The following PHIP variants were observed in gnomAD, a reference collection of about 807,000 sequenced individuals.
PHIP encodes the protein PHIP subunit of CUL4-Ring ligase complex.
In PHIP, 54 loss-of-function variants were observed where a neutral mutation model predicts 236.8. The ratio of observed to expected loss-of-function variants is 0.23; its 90% CI spans 0.18 to 0.29. PHIP has a LOEUF of 0.29. PHIP is among the 10% of genes least tolerant of loss of function. The pLI is 1.00. For missense variants in PHIP, 1,370 were observed against 2,190.8 expected, an observed-to-expected ratio of 0.63 and a Z score of 7.48; for synonymous variants, 756 against 718.9, an observed-to-expected ratio of 1.05 and a Z score of -0.83.
In PHIP at chr6:78,970,813, T is replaced by C; in HGVS notation, c.2965A>G (p.Lys989Glu). 1 of 1,610,818 alleles carries C rather than the reference T, an allele frequency of 6.2e-7. No individual in the cohort carries two copies. Residue 989 changes from lysine to glutamate, a missense_variant, in exon 25 of 40, where the codon AAA becomes GAA. Around this residue, in one of 14 missense-constraint regions of PHIP, gnomAD observed 238 missense variants for 398.5 expected, o/e 0.60. Coordinates refer to ENST00000275034, the MANE Select transcript of PHIP (RefSeq NM_017934.7). Reference protein sequence around the residue: ...RKNKIYSINPKKQPWHKMELR... With the variant: ...RKNKIYSINPEKQPWHKMELR... ...TCCATTTTATGCCATGGTTGTTTTT[T>C]GGGATTGATACTATATATTTTATTT...
At chr6:79,049,860 C>G (rs1199858327) in intron 6 of PHIP, among the ~76,000 whole-genome samples, 2 of 152,070 alleles carry the variant, frequency 1.3e-5, no homozygotes, top group Non-Finnish European at 2.9e-5. Context: ...TTCAGAATTT[C>G]TATCAGATAA....
chr6:79,028,197 T>A (rs952003569), intron 7 of PHIP, among the ~76,000 whole-genome samples: 5 of 152,012 alleles, frequency 3.3e-5, no homozygotes, highest in South Asian at 4.2e-4. Flanking sequence ...GTAAAAAAAA[T>A]TTGTGAAAGG....
intron 6 of PHIP, among the ~76,000 whole-genome samples, chr6:79,043,706 T>A (rs1207509503): frequency 6.7e-6 from 1 of 149,330 alleles, no homozygotes; most frequent in Non-Finnish European, 1.5e-5. Context: ...TCCTCTTCCA[T>A]CTAAATTACT....
intron 6 of PHIP, among the ~76,000 whole-genome samples, chr6:79,055,355 C>T (rs1773016075): frequency 1.3e-5 from 2 of 152,162 alleles, no homozygotes. Context: ...TAGGTCTCTT[C>T]TTTCCTATCT....
At position 78,983,512 on chromosome 6, in the gene PHIP, A is replaced by T. The variant is rs989483184; in HGVS notation, c.2538-395T>A. Among the ~76,000 whole-genome samples the T allele has an allele frequency of 4.6e-5, 7 of 152,132 alleles. No homozygotes were observed. The South Asian group carries it at 1.2e-3, about 27-fold the overall frequency. On this transcript the variant is annotated intron_variant, in intron 22 of 39. Transcript: ENST00000275034. ...AAAAGATAACCCTGGAGAGCACAGA[A>T]GGTGTCAACATTAAGGAGATATGGG...
At chr6:79,015,258 A>C in intron 14 of PHIP, 42 bp from the exon 15 acceptor site, 1 of 1,468,676 alleles carries the variant, frequency 6.8e-7, no homozygotes, top group Non-Finnish European at 9.5e-7. Context: ...AGATATTAAA[A>C]AAGAAAGAAA....
At chr6:79,066,164 G>A (rs1156388881) in intron 4 of PHIP, among the ~76,000 whole-genome samples, 11 of 151,948 alleles carry the variant, frequency 7.2e-5, no homozygotes, top group African/African-American at 2.7e-4. Flanking sequence ...TGATATACGA[G>A]TTACTTTCTG....
At chr6:78,972,833 A>T (rs1321364263) in intron 24 of PHIP, among the ~76,000 whole-genome samples, 2 of 152,214 alleles carry the variant, frequency 1.3e-5, no homozygotes, top group Non-Finnish European at 2.9e-5. Flanking sequence ...AGAGAAAAAA[A>T]CAATAAAAAG....
Position 78,978,721 on chromosome 6 carries a change from TTTAAGTAATAATTG to T in PHIP, c.2770-24_2770-11del, listed in dbSNP as rs761591689. 2.5e-5 allele frequency: 39 copies of T among 1,589,474 alleles called. No individual in the cohort carries two copies. The highest frequency in any genetic ancestry group is 2.4e-4 in the Admixed American group (14 of 59,314). ...CTCCCACAGCCAATCTCTGACAAAA[TTTAAGTAATAATTG>T]TTAAGTAATAATCAAAAAAGCATTA... On this transcript the variant is annotated splice_polypyrimidine_tract_variant and intron_variant, in intron 23 of 39. Coordinates refer to ENST00000275034, the MANE Select transcript of PHIP (RefSeq NM_017934.7).
chr6:79,063,884 C>T (rs1298105120), intron 4 of PHIP, among the ~76,000 whole-genome samples: 5 of 152,090 alleles, frequency 3.3e-5, no homozygotes, highest in Non-Finnish European at 7.4e-5. Flanking sequence ...TCTTAGCAGT[C>T]CCTGAGGTAC....
At position 79,043,792 on chromosome 6, in the gene PHIP, G is replaced by A. The variant is rs190711517; in HGVS notation, c.440-789C>T. Among the ~76,000 whole-genome samples the A allele has an allele frequency of 1.7e-4, 26 of 149,794 alleles. 1 individual carries two copies. The East Asian group carries it at 4.5e-3, about 26-fold the overall frequency. ...TAAATATATGTTGACTGATCTGCAG[G>A]CACATTATTAACCTACAGATGATCT... On this transcript the variant is annotated intron_variant, in intron 6 of 39. Transcript: ENST00000275034.
rs774746332 is a variant in PHIP at position 78,941,027 on chromosome 6, C to A, written c.5132G>T (p.Arg1711Leu). 5 of 1,613,768 alleles carry A rather than the reference C, an allele frequency of 3.1e-6. No homozygotes were observed. The highest frequency in any genetic ancestry group is 4.2e-6 in the Non-Finnish European group (5 of 1,179,856). The change falls in exon 40 of 40, where the codon CGT (arginine) becomes CTT (leucine). Residue 1711 changes from arginine (R) to leucine (L), a missense_variant. By Grantham distance (102) the Arg-to-Leu change is moderately radical. Around this residue, in one of 14 missense-constraint regions of PHIP, gnomAD observed 309 missense variants for 328.3 expected, o/e 0.94. Coordinates refer to ENST00000275034, the MANE Select transcript of PHIP (RefSeq NM_017934.7). ...VKEDLLQKKN[R>L]GGRKPKRKMK... ...CTTCCTTTTGGGCTTCCTACCTCCA[C>A]GATTCTTTTTCTGTAACAAATCTTC...
chr6:79,038,912 G>T (rs1412660323), intron 7 of PHIP, among the ~76,000 whole-genome samples: 1 of 152,052 alleles, frequency 6.6e-6, no homozygotes, highest in Non-Finnish European at 1.5e-5. Flanking sequence ...TCACAGAAGT[G>T]AAAAAATATG....
chr6:79,067,730 G>A (rs1773693115), intron 4 of PHIP: 1 of 153,018 alleles, frequency 6.5e-6, no homozygotes, highest in African/African-American at 2.4e-5. Context: ...CCATCAGCAA[G>A]AACAAAAGAA....
At chr6:78,950,064 A>G (rs1475414177) in intron 35 of PHIP, among the ~76,000 whole-genome samples, 3 of 152,058 alleles carry the variant, frequency 2.0e-5, no homozygotes, top group East Asian at 1.9e-4. Context: ...TGACTTTACC[A>G]TAACCAAAAT....
chr6:78,970,776 C>A lies in PHIP; in HGVS notation c.2997+5G>T. ...GGGCTATTAAATAATAAATCAATGT[C>A]ATACCCGTAGCTCCATTTTATGCCA... On this transcript the variant is annotated splice_donor_5th_base_variant and intron_variant, in intron 25 of 39. Coordinates refer to ENST00000275034, the MANE Select transcript of PHIP (RefSeq NM_017934.7). 1 of 1,549,550 alleles carries A rather than the reference C, an allele frequency of 6.5e-7. No individual in the cohort carries two copies. Among genetic ancestry groups the A allele is most frequent in the South Asian group, 1.2e-5 (1 of 85,832 alleles).
At chr6:79,003,401 A>G (rs1464899723) in intron 16 of PHIP, among the ~76,000 whole-genome samples, 1 of 152,104 alleles carries the variant, frequency 6.6e-6, no homozygotes. Context: ...CATTTTACAT[A>G]ATTTCAGAGT....
Position 79,078,017 on chromosome 6 carries a change from C to A in PHIP, c.40+12G>T. The A allele has an allele frequency of 6.2e-7, 1 of 1,608,774 alleles. No homozygotes were observed. The highest frequency in any genetic ancestry group is 8.5e-7 in the Non-Finnish European group (1 of 1,179,210). On this transcript the variant is annotated intron_variant, in intron 1 of 39. Coordinates refer to ENST00000275034, the MANE Select transcript of PHIP (RefSeq NM_017934.7). ...GCCCGGTGCCAGCGGCCCCGGCAGC[C>A]CCCCGACTTACCCGATCGCAGCTCC... is the stretch of plus-strand genomic sequence containing the variant.
intron 6 of PHIP, among the ~76,000 whole-genome samples, chr6:79,047,146 C>G (rs1201960434): frequency 6.6e-6 from 1 of 152,044 alleles, no homozygotes; most frequent in Non-Finnish European, 1.5e-5. Context: ...TCATTTGCAG[C>G]AAATCATTCA....
Sources: allele counts gnomAD v4.1 joint callset (sites outside exome capture counted in the v4.1 genomes callset), GRCh38; gene constraint gnomAD v4.1.1; regional missense constraint gnomAD v4.1.1; transcripts MANE v1.5; gene names NCBI Gene and HGNC (gene_info 2026-07-23, HGNC 2026-07-21).